The following RNLS variants were observed in gnomAD, a reference collection of about 807,000 sequenced individuals.
The protein encoded by RNLS is renalase.
Under a neutral mutation model 39.8 loss-of-function variants are expected in RNLS, and 39 were observed. The observed-to-expected ratio is 0.98, with a 90% CI of 0.76 to 1.28. The LOEUF (loss-of-function observed/expected upper bound fraction) is 1.28, where lower values mean the gene tolerates loss of function less well. Ranked by LOEUF, RNLS falls within the 50% of genes most tolerant of loss-of-function variation. The pLI, the probability that RNLS is intolerant of heterozygous loss-of-function variation, is 0.00. For synonymous variants in RNLS, 147 were observed against 150.7 expected, an observed-to-expected ratio of 0.98 and a Z score of 0.18; for missense variants, 410 against 413.3, an observed-to-expected ratio of 0.99 and a Z score of 0.07.
intron 1 of RNLS, 43 bp downstream of exon 1, chr10:88,583,030 C>A: frequency 1.3e-6 from 2 of 1,595,092 alleles, no homozygotes; most frequent in Non-Finnish European, 1.7e-6. Flanking sequence ...GCAGCCTGCC[C>A]GGCAGTCCTC....
intron 5 of RNLS, among the ~76,000 whole-genome samples, chr10:88,319,613 T>A (rs2133084125): frequency 6.6e-6 from 1 of 152,060 alleles, no homozygotes; most frequent in Admixed American, 6.5e-5. Flanking sequence ...ACTTCTGGAA[T>A]GAAAAAATTC....
At chr10:88,454,114 C>A (rs1015452507) in intron 4 of RNLS, among the ~76,000 whole-genome samples, 2 of 152,064 alleles carry the variant, frequency 1.3e-5, no homozygotes, top group Non-Finnish European at 1.5e-5. Flanking sequence ...AATACCAACA[C>A]TTATGGGCTG....
chr10:88,331,465 G>T (rs918713995), intron 5 of RNLS, among the ~76,000 whole-genome samples: 1 of 152,178 alleles, frequency 6.6e-6, no homozygotes, highest in African/African-American at 2.4e-5. Context: ...GGCATTTGTT[G>T]CCATGAGACA....
chr10:88,446,441 A>T (rs1256950114), intron 4 of RNLS, among the ~76,000 whole-genome samples: 1 of 152,222 alleles, frequency 6.6e-6, no homozygotes, highest in Admixed American at 6.5e-5. Context: ...AAAAGCTAGC[A>T]GAAGGCAAGA....
At chr10:88,335,972 G>C (rs1426621) in intron 5 of RNLS, among the ~76,000 whole-genome samples, 1 of 152,064 alleles carries the variant, frequency 6.6e-6, no homozygotes, top group African/African-American at 2.4e-5. Context: ...CTTGGATGAA[G>C]AGATGAATGA....
At chr10:88,414,992 T>A (rs143445809) in intron 4 of RNLS, among the ~76,000 whole-genome samples, 24 of 152,292 alleles carry the variant, frequency 1.6e-4, no homozygotes, top group African/African-American at 5.8e-4. Context: ...GTTTTGATGC[T>A]GCCTTCAACC....
At chr10:88,306,576 T>C (rs977832222) in intron 6 of RNLS, among the ~76,000 whole-genome samples, 1 of 152,106 alleles carries the variant, frequency 6.6e-6, no homozygotes, top group Non-Finnish European at 1.5e-5. Context: ...CTAGAAAATA[T>C]ACAATAAATG....
intron 4 of RNLS, among the ~76,000 whole-genome samples, chr10:88,471,187 T>C (rs1843500757): frequency 6.6e-6 from 1 of 152,234 alleles, no homozygotes; most frequent in Non-Finnish European, 1.5e-5. Flanking sequence ...TGGAGCTATA[T>C]CAATATATCT....
chr10:88,512,910 T>C (rs1377538145), intron 4 of RNLS, among the ~76,000 whole-genome samples: 1 of 152,166 alleles, frequency 6.6e-6, no homozygotes, highest in Admixed American at 6.6e-5. Context: ...ATTAAGCTTC[T>C]CAGAACCTCT....
intron 4 of RNLS, among the ~76,000 whole-genome samples, chr10:88,494,472 T>C (rs1035724745): frequency 1.3e-5 from 2 of 152,204 alleles, no homozygotes; most frequent in African/African-American, 2.4e-5. Context: ...CCATATTTAT[T>C]ATTTTCTTTT....
chr10:88,213,967 T>C, the RNLS span, among the ~76,000 whole-genome samples: 2 of 152,300 alleles, frequency 1.3e-5, no homozygotes, highest in African/African-American at 4.8e-5. Flanking sequence ...ATTCATGGGC[T>C]TACACAAACT....
chr10:88,472,151 C>T (rs1843571081), intron 4 of RNLS, among the ~76,000 whole-genome samples: 2 of 152,206 alleles, frequency 1.3e-5, no homozygotes, highest in Non-Finnish European at 2.9e-5. Context: ...TAACCCAGGC[C>T]TGCTGAGTTA....
At chr10:88,563,946 T>C (rs1849343987) in intron 4 of RNLS, among the ~76,000 whole-genome samples, 1 of 152,222 alleles carries the variant, frequency 6.6e-6, no homozygotes, top group African/African-American at 2.4e-5. Flanking sequence ...TTTCCTTAAT[T>C]TGTGGTTGTA....
intron 4 of RNLS, among the ~76,000 whole-genome samples, chr10:88,365,599 CT>C (rs1850019689): frequency 6.6e-6 from 1 of 150,968 alleles, no homozygotes; most frequent in South Asian, 2.1e-4. Flanking sequence ...TATAACATAT[CT>C]TACACATACA....
the RNLS span, among the ~76,000 whole-genome samples, chr10:88,191,426 A>G: frequency 6.6e-6 from 1 of 152,138 alleles, no homozygotes; most frequent in Non-Finnish European, 1.5e-5. Flanking sequence ...AATAAAAATT[A>G]TACATATTTA....
the RNLS span, among the ~76,000 whole-genome samples, chr10:88,222,855 C>A: frequency 6.6e-6 from 1 of 152,202 alleles, no homozygotes; most frequent in African/African-American, 2.4e-5. Context: ...TCGAGGGAGT[C>A]ACACAGCAAA....
chr10:88,280,967 C>T (rs1212589520), downstream of RNLS, among the ~76,000 whole-genome samples: 1 of 152,272 alleles, frequency 6.6e-6, no homozygotes, highest in East Asian at 1.9e-4. Flanking sequence ...CCTTAGCAGG[C>T]TCTTTTGTGG....
intron 4 of RNLS, among the ~76,000 whole-genome samples, chr10:88,444,574 A>T (rs1413323028): frequency 6.6e-6 from 1 of 152,222 alleles, no homozygotes; most frequent in Non-Finnish European, 1.5e-5. Context: ...AAACCTTGAA[A>T]AAAAATTAGA....
chr10:88,323,926 T>C (rs1008391396), intron 5 of RNLS, among the ~76,000 whole-genome samples: 3 of 152,102 alleles, frequency 2.0e-5, no homozygotes, highest in Admixed American at 1.3e-4. Flanking sequence ...GGCAAGGTCA[T>C]GAACAGATAC....
Sources: allele counts gnomAD v4.1 joint callset (sites outside exome capture counted in the v4.1 genomes callset), GRCh38; gene constraint gnomAD v4.1.1; transcripts MANE v1.5; gene names NCBI Gene and HGNC (gene_info 2026-07-23, HGNC 2026-07-21).